The following ADAMTSL1 variants were observed in gnomAD, a reference collection of about 807,000 sequenced individuals.
The protein encoded by ADAMTSL1 is ADAMTS-like protein 1.
ADAMTSL1 carries 126 observed loss-of-function variants against 201.8 expected under a neutral mutation model. The observed-to-expected ratio is 0.62, with a 90% confidence interval of 0.54 to 0.72. The LOEUF is 0.72. Ranked by LOEUF, ADAMTSL1 falls within the 30% of genes least tolerant of loss-of-function variation. The probability of loss-of-function intolerance (pLI) is 0.00; values close to 1 mark genes in which losing one functional copy is unlikely to be tolerated. For synonymous variants in ADAMTSL1, 1,121 were observed against 903.4 expected (o/e 1.24, Z -4.32); for missense variants, 2,679 against 2,277.8 (o/e 1.18, Z -3.59).
intron 2 of ADAMTSL1, among the ~76,000 whole-genome samples, chr9:18,400,987 A>G (rs1472526861): frequency 6.6e-6 from 1 of 152,176 alleles, no homozygotes; most frequent in African/African-American, 2.4e-5. Flanking sequence ...AATTTTCCTT[A>G]GCTGGATATC....
intron 19 of ADAMTSL1, among the ~76,000 whole-genome samples, chr9:18,789,898 C>T (rs954831262): frequency 6.6e-6 from 1 of 152,208 alleles, no homozygotes; most frequent in African/African-American, 2.4e-5. Context: ...AGAAAGGATA[C>T]ACCCACAATT....
intron 19 of ADAMTSL1, among the ~76,000 whole-genome samples, chr9:18,788,713 G>C (rs1466439508): frequency 6.6e-6 from 1 of 152,130 alleles, no homozygotes; most frequent in South Asian, 2.1e-4. Flanking sequence ...CCCATTTTAG[G>C]ATAAGGAAAA....
intron 2 of ADAMTSL1, among the ~76,000 whole-genome samples, chr9:18,530,533 C>T (rs186333921): frequency 6.6e-6 from 1 of 152,102 alleles, no homozygotes; most frequent in African/African-American, 2.4e-5. Context: ...CCCACATAAA[C>T]CCTAAATCCC....
chr9:18,051,883 T>C (rs79511666), intron 1 of ADAMTSL1, among the ~76,000 whole-genome samples: 2,220 of 152,352 alleles, frequency 0.015, 54 homozygotes, highest in African/African-American at 0.051. Flanking sequence ...AAGGTGATTT[T>C]ACTTTGGTTT....
chr9:18,037,327 T>A (rs16936263), intron 1 of ADAMTSL1, among the ~76,000 whole-genome samples: 5,643 of 152,220 alleles, frequency 0.037, 311 homozygotes, highest in East Asian at 0.31. Flanking sequence ...TCACAAAAGC[T>A]TTACTCTCTT....
intron 2 of ADAMTSL1, among the ~76,000 whole-genome samples, chr9:18,509,190 CAAAAAAAAAAAAAAAAAAAAA>C (rs57922962): frequency 1.0e-3 from 21 of 20,456 alleles, no homozygotes; most frequent in East Asian, 9.5e-3. Flanking sequence ...GACTCCGTCT[CAAAAAAAAAAAAAAAAAAAAA>C]AAAAAAAAAA....
intron 1 of ADAMTSL1, among the ~76,000 whole-genome samples, chr9:18,040,935 CCAATT>C (rs1353368223): frequency 1.3e-4 from 20 of 152,026 alleles, no homozygotes; most frequent in African/African-American, 4.1e-4. Context: ...TCATTTGGCA[CCAATT>C]GGTTTTAAAA....
chr9:18,888,039 C>G lies in ADAMTSL1; in HGVS notation c.4458C>G (p.Ile1486Met), dbSNP rs370113987. The G allele has an allele frequency of 8.4e-5, 135 of 1,612,096 alleles. No individual in the cohort carries two copies. Among genetic ancestry groups the G allele is most frequent in the Non-Finnish European group, 1.1e-4 (127 of 1,179,138 alleles). ...TCATGCAGAAGGCATCTTTAGTGATCCAAGGTAAGAAACCCTGCAGACTTT... is the reference window on the plus strand; with the variant it reads ...TCATGCAGAAGGCATCTTTAGTGATGCAAGGTAAGAAACCCTGCAGACTTT... ...GVLMQKASLV[I>M]QDYWWSVDRL... The change falls in exon 24 of 29, where the codon ATC (isoleucine) becomes ATG (methionine). Residue 1486 changes from isoleucine to methionine, a missense_variant. Physicochemically the swap from Ile to Met is conservative, Grantham distance 10. Coordinates refer to ENST00000380548, the MANE Select transcript of ADAMTSL1 (RefSeq NM_001040272.6).
intron 2 of ADAMTSL1, among the ~76,000 whole-genome samples, chr9:18,430,792 G>T (rs1404518540): frequency 1.8e-4 from 28 of 152,204 alleles, no homozygotes; most frequent in Admixed American, 1.8e-3. Context: ...TTTGCTGAAG[G>T]AGATTGAATG....
chr9:18,282,722 A>G (rs1453585118), intron 2 of ADAMTSL1, among the ~76,000 whole-genome samples: 2 of 152,008 alleles, frequency 1.3e-5, no homozygotes, highest in Admixed American at 6.6e-5. Context: ...ACATGGAGAA[A>G]CCCCATCTCT....
intron 2 of ADAMTSL1, among the ~76,000 whole-genome samples, chr9:18,442,906 G>C (rs990042825): frequency 6.6e-6 from 1 of 152,146 alleles, no homozygotes; most frequent in Non-Finnish European, 1.5e-5. Context: ...AGCCTTCTAC[G>C]ACCTGCCACA....
intron 3 of ADAMTSL1, among the ~76,000 whole-genome samples, chr9:18,567,621 C>A (rs1822004495): frequency 6.6e-6 from 1 of 152,026 alleles, no homozygotes; most frequent in Non-Finnish European, 1.5e-5. Context: ...GGCAAGTGAG[C>A]AGTTGTATAC....
chr9:18,033,301 G>C (rs754674380), intron 1 of ADAMTSL1, among the ~76,000 whole-genome samples: 27 of 152,068 alleles, frequency 1.8e-4, no homozygotes, highest in Admixed American at 4.6e-4. Flanking sequence ...GTATTAATTA[G>C]CTTGAGTCAC....
chr9:18,908,491 ACT>A lies in ADAMTSL1; in HGVS notation c.5235_5236del (p.Cys1746ProfsTer6). On this transcript the variant is annotated frameshift_variant, in exon 29 of 29. Transcript: ENST00000380548. LOFTEE classifies it high-confidence loss of function. ...ACTGCGAGAAGGTGAAACAGCTGAA[ACT>A]CTGCCAACTCAGCCAGTTTAAATCT... ...RYCEKVKQLK[L>X]CQLSQFKSRC... 2 of 1,564,040 alleles carry A rather than the reference ACT, an allele frequency of 1.3e-6. No individual in the cohort carries two copies. Among genetic ancestry groups the A allele is most frequent in the Non-Finnish European group, 1.7e-6 (2 of 1,154,362 alleles).
chr9:18,280,176 G>A (rs912695055), intron 2 of ADAMTSL1, among the ~76,000 whole-genome samples: 1 of 151,868 alleles, frequency 6.6e-6, no homozygotes, highest in African/African-American at 2.4e-5. Flanking sequence ...GAGGTGGCTG[G>A]TCTGGAGCCT....
chr9:18,692,003 A>G (rs972398097), intron 13 of ADAMTSL1, among the ~76,000 whole-genome samples: 2 of 152,210 alleles, frequency 1.3e-5, no homozygotes, highest in African/African-American at 2.4e-5. Context: ...TATCTGCCTC[A>G]TACATCTTGT....
chr9:18,528,535 T>C (rs532240938), intron 2 of ADAMTSL1, among the ~76,000 whole-genome samples: 1 of 152,156 alleles, frequency 6.6e-6, no homozygotes, highest in Non-Finnish European at 1.5e-5. Flanking sequence ...AGGGGCATGA[T>C]CTTGTTCTTT....
intron 2 of ADAMTSL1, among the ~76,000 whole-genome samples, chr9:18,181,101 G>A (rs1828453413): frequency 6.6e-6 from 1 of 152,138 alleles, no homozygotes; most frequent in African/African-American, 2.4e-5. Context: ...AGCTGAAACT[G>A]GATCCCTTCC....
At chr9:18,030,125 T>C (rs968435844) in intron 1 of ADAMTSL1, among the ~76,000 whole-genome samples, 3 of 152,174 alleles carry the variant, frequency 2.0e-5, no homozygotes, top group Admixed American at 1.3e-4. Flanking sequence ...TTTTTCACAA[T>C]AGCAAAGACT....
Sources: gnomAD v4.1 joint callset for allele counts (sites outside exome capture counted in the v4.1 genomes callset) on GRCh38, gnomAD v4.1.1 for gene constraint, MANE v1.5 for transcripts, NCBI Gene and HGNC (gene_info 2026-07-23, HGNC 2026-07-21) for gene names.